The following GRID2 variants were observed in gnomAD, a reference collection of about 807,000 sequenced individuals.
The protein encoded by GRID2 is glutamate receptor ionotropic, delta-2.
GRID2 carries 33 observed loss-of-function variants against 114.8 expected under a neutral mutation model. The ratio of observed to expected loss-of-function variants is 0.29; its 90% confidence interval spans 0.22 to 0.38. The LOEUF is 0.38. Among genes scored for constraint, GRID2 ranks in the 10% least tolerant of loss-of-function variants. The pLI is 1.00. For missense variants in GRID2, 1,184 were observed against 1,257.7 expected, an observed-to-expected ratio of 0.94 and a Z score of 0.89; for synonymous variants, 505 against 449.9, an observed-to-expected ratio of 1.12 and a Z score of -1.55.
chr4:92,777,111 T>C (rs1279701053), intron 2 of GRID2, among the ~76,000 whole-genome samples: 2 of 151,744 alleles, frequency 1.3e-5, no homozygotes, highest in African/African-American at 4.8e-5. Context: ...TCATCCGAGA[T>C]ACTAGAGAAG....
chr4:93,489,034 AC>A (rs1266720427), intron 11 of GRID2, among the ~76,000 whole-genome samples: 1 of 152,040 alleles, frequency 6.6e-6, no homozygotes, highest in Non-Finnish European at 1.5e-5. Context: ...ATTCAAAAAA[AC>A]ATTACCCACT....
At chr4:93,495,046 C>T (rs1475644348) in intron 12 of GRID2, among the ~76,000 whole-genome samples, 2 of 151,732 alleles carry the variant, frequency 1.3e-5, no homozygotes, top group Admixed American at 6.6e-5. Flanking sequence ...TCAAACTGGT[C>T]TTTGGTGATG....
chr4:93,441,682 A>G (rs901359253), intron 10 of GRID2, among the ~76,000 whole-genome samples: 5 of 151,944 alleles, frequency 3.3e-5, no homozygotes, highest in Admixed American at 6.6e-5. Flanking sequence ...CAGAATGAAT[A>G]TTTGGAAGCA....
intron 13 of GRID2, among the ~76,000 whole-genome samples, chr4:93,620,555 G>T (rs775879577): frequency 6.6e-6 from 1 of 152,118 alleles, no homozygotes; most frequent in Admixed American, 6.5e-5. Flanking sequence ...GTCAGAACAG[G>T]AGCATACAGG....
chr4:92,916,596 T>C (rs1268628281), intron 2 of GRID2, among the ~76,000 whole-genome samples: 1 of 151,738 alleles, frequency 6.6e-6, no homozygotes, highest in East Asian at 1.9e-4. Flanking sequence ...CACCTATGAG[T>C]GAGAACATGT....
chr4:92,420,265 G>A (rs1731835081), intron 1 of GRID2, among the ~76,000 whole-genome samples: 4 of 151,970 alleles, frequency 2.6e-5, no homozygotes, highest in African/African-American at 9.7e-5. Context: ...TGTATTTATT[G>A]CATTTGTCTG....
chr4:92,683,846 T>C (rs1579837033), intron 2 of GRID2, among the ~76,000 whole-genome samples: 1 of 151,874 alleles, frequency 6.6e-6, no homozygotes, highest in Non-Finnish European at 1.5e-5. Context: ...TGTATACATA[T>C]AGAAGCAATA....
chr4:92,324,698 T>C (rs905145496), intron 1 of GRID2, among the ~76,000 whole-genome samples: 1 of 151,732 alleles, frequency 6.6e-6, no homozygotes, highest in East Asian at 1.9e-4. Context: ...GATGTGTATA[T>C]TGCAAATGCA....
chr4:93,595,720 GTAA>G (rs939881332), intron 13 of GRID2, among the ~76,000 whole-genome samples: 2 of 151,958 alleles, frequency 1.3e-5, no homozygotes, highest in African/African-American at 4.8e-5. Context: ...ATTCTTCCTG[GTAA>G]TAATATTACC....
intron 1 of GRID2, among the ~76,000 whole-genome samples, chr4:93,781,378 T>TGGGCTGCGGTGAG (rs1424228506): frequency 3.3e-5 from 5 of 150,708 alleles, no homozygotes; most frequent in Admixed American, 2.6e-4. Context: ...TGAGACCTGC[T>TGGGCTGCGGTGAG]GGGCTGCGGT....
At position 93,578,587 on chromosome 4, in the gene GRID2, ATTTTTT is replaced by A. The variant is rs59397408; in HGVS notation, c.2194-47663_2194-47658del. Reference sequence around the variant, plus strand: ...AAAAGAACCTTGTCTTGTTTTTTGTATTTTTTTTTTTTTTTTTTTTTTTTGAGTTGG... The same window carrying A: ...AAAAGAACCTTGTCTTGTTTTTTGTATTTTTTTTTTTTTTTTTTGAGTTGG... On this transcript the variant is annotated intron_variant, in intron 13 of 15. Transcript: ENST00000282020. Among the ~76,000 whole-genome samples the A allele has an allele frequency of 9.9e-3, 832 of 83,934 alleles. 10 individuals carry two copies. Among genetic ancestry groups the A allele is most frequent in the African/African-American group, 0.04 (782 of 19,328 alleles). The allele number at this position is 83,934 out of a possible 152,430, so 55.1% of individuals were successfully genotyped here. A position where few individuals can be genotyped will look rare whatever the true frequency, so the allele number is the denominator to read the frequency against.
chr4:92,567,018 T>C (rs1473902066), intron 1 of GRID2, among the ~76,000 whole-genome samples: 1 of 152,090 alleles, frequency 6.6e-6, no homozygotes, highest in Non-Finnish European at 1.5e-5. Context: ...TCAGTTAGTA[T>C]CTTTTTCTAA....
chr4:93,533,283 TTCC>T (rs1731666878), intron 13 of GRID2, among the ~76,000 whole-genome samples: 1 of 141,328 alleles, frequency 7.1e-6, no homozygotes, highest in African/African-American at 2.7e-5. Context: ...CCTTCCTTCC[TTCC>T]TTCCTTCCTT....
intron 2 of GRID2, among the ~76,000 whole-genome samples, chr4:92,837,265 A>G (rs1742522660): frequency 6.6e-6 from 1 of 152,046 alleles, no homozygotes; most frequent in Non-Finnish European, 1.5e-5. Flanking sequence ...ATACTTTTTA[A>G]GAGGCCTGGG....
intron 2 of GRID2, among the ~76,000 whole-genome samples, chr4:93,048,418 TCTTCTCAGGATAC>T (rs1327073255): frequency 1.3e-5 from 2 of 152,062 alleles, no homozygotes; most frequent in Admixed American, 6.6e-5. Flanking sequence ...TACCTGATTC[TCTTCTCAGGATAC>T]CTTCTCAGGT....
chr4:93,541,689 A>G (rs920124808), intron 13 of GRID2, among the ~76,000 whole-genome samples: 30 of 152,188 alleles, frequency 2.0e-4, no homozygotes, highest in African/African-American at 7.0e-4. Context: ...CTAGAAGGAA[A>G]ACTTTATGCA....
intron 1 of GRID2, among the ~76,000 whole-genome samples, chr4:92,415,989 C>A (rs1731593642): frequency 6.6e-6 from 1 of 151,600 alleles, no homozygotes; most frequent in South Asian, 2.1e-4. Flanking sequence ...ATACAGTTTT[C>A]CATGGTGGTT....
At chr4:92,448,131 T>TATGTATG (rs1733565437) in intron 1 of GRID2, among the ~76,000 whole-genome samples, 1 of 145,366 alleles carries the variant, frequency 6.9e-6, no homozygotes, top group Non-Finnish European at 1.5e-5. Context: ...GATTTTTATT[T>TATGTATG]TATGTATGTA....
intron 11 of GRID2, among the ~76,000 whole-genome samples, chr4:93,472,834 T>G (rs969669501): frequency 1.3e-5 from 2 of 152,136 alleles, no homozygotes; most frequent in African/African-American, 4.8e-5. Flanking sequence ...GAAGCATGAT[T>G]TGAAGGTTAT....
Sources: allele counts gnomAD v4.1 joint callset (sites outside exome capture counted in the v4.1 genomes callset), GRCh38; gene constraint gnomAD v4.1.1; transcripts MANE v1.5; gene names NCBI Gene and HGNC (gene_info 2026-07-23, HGNC 2026-07-21).